The following FREM1 variants were observed in gnomAD, a reference collection of about 807,000 sequenced individuals.
FREM1 encodes the protein FRAS1 related extracellular matrix 1.
A neutral mutation model predicts 210.1 loss-of-function variants in FREM1; 220 were observed. The observed-to-expected ratio is 1.05, with a 90% confidence interval of 0.94 to 1.17. The LOEUF (loss-of-function observed/expected upper bound fraction) is 1.17. Among genes scored for constraint, FREM1 ranks in the 50% most tolerant of loss-of-function variants. The pLI, the probability that FREM1 is intolerant of heterozygous loss-of-function variation, is 0.00. For missense variants in FREM1, 3,454 were observed against 2,675.5 expected (o/e 1.29, Z -6.42); for synonymous variants, 1,189 against 980.2 (o/e 1.21, Z -3.98).
chr9:14,762,031 T>C (rs910191067), intron 27 of FREM1, among the ~76,000 whole-genome samples: 2 of 152,218 alleles, frequency 1.3e-5, no homozygotes, highest in Non-Finnish European at 2.9e-5. Flanking sequence ...CAATACTATT[T>C]GCACTTTAGA....
intron 27 of FREM1, among the ~76,000 whole-genome samples, chr9:14,766,679 C>T (rs888918062): frequency 2.0e-5 from 3 of 152,176 alleles, no homozygotes; most frequent in Non-Finnish European, 4.4e-5. Context: ...GGGTCCTTCC[C>T]GTGCTCTAAA....
chr9:14,909,006 G>A (rs1396681415), intron 1 of FREM1, among the ~76,000 whole-genome samples: 2 of 152,076 alleles, frequency 1.3e-5, no homozygotes, highest in East Asian at 1.9e-4. Flanking sequence ...CAGGAACAGC[G>A]GGTGTCAGTT....
chr9:14,785,538 G>A (rs1413833067), intron 23 of FREM1, among the ~76,000 whole-genome samples: 1 of 152,096 alleles, frequency 6.6e-6, no homozygotes, highest in African/African-American at 2.4e-5. Context: ...AACAACTCAA[G>A]TGCCTCTCAA....
rs1827722633 is a variant in FREM1, at chr9:14,851,379, T to C, written c.1057A>G (p.Arg353Gly). ...GYVTHLLDHT[R>G]PISSFTWKDL... ...TTCCAGGTGAATGAGGAGATTGGTC[T>C]GGTGTGATCCAACAGGTGAGTCACA... Residue 353 changes from arginine to glycine, a missense_variant, in exon 6 of 37, where the codon AGA (arginine) becomes GGA (glycine). Physicochemically the swap from Arg to Gly is moderately radical, Grantham distance 125. Transcript: ENST00000380880. 2 of 1,613,956 alleles carry C rather than the reference T, an allele frequency of 1.2e-6. No individual in the cohort carries two copies. The highest frequency in any genetic ancestry group is 1.7e-6 in the Non-Finnish European group (2 of 1,179,848).
intron 9 of FREM1, among the ~76,000 whole-genome samples, chr9:14,842,041 C>A (rs1318901633): frequency 6.6e-6 from 1 of 152,122 alleles, no homozygotes; most frequent in Non-Finnish European, 1.5e-5. Context: ...TATCACCTTG[C>A]TCGGCTGACT....
intron 1 of FREM1, among the ~76,000 whole-genome samples, chr9:14,897,897 G>A (rs1422080453): frequency 6.6e-6 from 1 of 152,150 alleles, no homozygotes; most frequent in African/African-American, 2.4e-5. Flanking sequence ...CCTAGCCAAG[G>A]AGTCTAATAA....
At chr9:14,816,292 T>G (rs1269547497) in intron 15 of FREM1, among the ~76,000 whole-genome samples, 1 of 152,190 alleles carries the variant, frequency 6.6e-6, no homozygotes, top group African/African-American at 2.4e-5. Flanking sequence ...ATTACAACTT[T>G]GGTTTCTATT....
At chr9:14,799,489 T>C (rs928800384) in intron 20 of FREM1, among the ~76,000 whole-genome samples, 1 of 152,150 alleles carries the variant, frequency 6.6e-6, no homozygotes, top group Non-Finnish European at 1.5e-5. Flanking sequence ...TACTAATTTT[T>C]ATGTAGGAAA....
intron 4 of FREM1, 43 bp from the exon 5 acceptor site, chr9:14,857,792 A>G (rs761484536): frequency 8.3e-6 from 12 of 1,443,896 alleles, no homozygotes; most frequent in Non-Finnish European, 1.1e-5. Flanking sequence ...CTTAAACATA[A>G]CAATTGTAAA....
intron 23 of FREM1, among the ~76,000 whole-genome samples, chr9:14,787,502 C>T (rs2132934074): frequency 6.6e-6 from 1 of 152,172 alleles, no homozygotes; most frequent in African/African-American, 2.4e-5. Context: ...TTTCTATTGC[C>T]CAGCCTCTCT....
rs1285429586 is a variant in FREM1 at position 14,861,249 on chromosome 9, A to G, written c.330-1765T>C. Among the ~76,000 whole-genome samples, 130 of 91,930 alleles carry G rather than the reference A, an allele frequency of 1.4e-3. 2 individuals are homozygous for G. Among genetic ancestry groups the G allele is most frequent in the African/African-American group, 9.0e-3 (127 of 14,086 alleles). 60.3% of individuals were successfully genotyped at this position (91,930 alleles called of 152,430 possible). A position where few individuals can be genotyped will look rare whatever the true frequency, so the allele number is the denominator to read the frequency against. ...TATATACACATATATACACACATAT[A>G]TACATATATACACATATACACATAT... On this transcript the variant is annotated intron_variant, in intron 3 of 36. Transcript: ENST00000380880.
In FREM1 at chr9:14,784,460, G is replaced by T; in HGVS notation, c.4352C>A (p.Pro1451His). Residue 1451 changes from proline (P) to histidine (H), a missense_variant, in exon 24 of 37, where the codon CCC becomes CAC. Coordinates refer to ENST00000380880, the MANE Select transcript of FREM1 (RefSeq NM_001379081.2). ...ATCCATTTGGCTGAAGTTTGTAATGGGAACTCCAGGATAGTGAACATATTC... is the reference window on the plus strand; with the variant it reads ...ATCCATTTGGCTGAAGTTTGTAATGTGAACTCCAGGATAGTGAACATATTC... The part of the protein sequence containing the change: ...QIEYVHYPGV[P>H]ITNFSQMDVV... The T allele has an allele frequency of 6.2e-7, 1 of 1,613,896 alleles. No individual in the cohort carries two copies. The highest frequency in any genetic ancestry group is 8.5e-7 in the Non-Finnish European group (1 of 1,179,846).
chr9:14,757,126 G>A (rs1337914611), intron 28 of FREM1, among the ~76,000 whole-genome samples: 1 of 152,150 alleles, frequency 6.6e-6, no homozygotes, highest in Non-Finnish European at 1.5e-5. Flanking sequence ...CAACAAAAAT[G>A]CCCTAGTCTA....
rs755702040 is a variant in FREM1, at chr9:14,857,645, G to A, written c.736C>T (p.Arg246Cys). The A allele has an allele frequency of 2.0e-5, 32 of 1,613,502 alleles. No individual in the cohort carries two copies. Among genetic ancestry groups the A allele is most frequent in the South Asian group, 1.5e-4 (14 of 91,038 alleles). The change falls in exon 5 of 37, where the codon CGT becomes TGT. Residue 246 changes from arginine (R) to cysteine (C), a missense_variant. Transcript: ENST00000380880. Reference sequence around the variant, plus strand: ...GAAGGGGGATCCAGATGCTGATAACGAAGGCCCATCAGCAGGAACTCCTCA... The same window carrying A: ...GAAGGGGGATCCAGATGCTGATAACAAAGGCCCATCAGCAGGAACTCCTCA... ...SCEEFLLMGL[R>C]YQHLDPPSPN... is the part of the protein sequence containing the mutation.
At position 14,775,862 on chromosome 9, in the gene FREM1, G is replaced by T; in HGVS notation, c.4784C>A (p.Ala1595Asp). The change falls in exon 25 of 37, where the codon GCC becomes GAC. Residue 1595 changes from alanine to aspartate, a missense_variant. Coordinates refer to ENST00000380880, the MANE Select transcript of FREM1 (RefSeq NM_001379081.2). ...AAAGCCTTGGTTTGTCCCATCTGTG[G>T]CCATGAAAGTAAAGCAGTCAGTCTG... ...DSQTDCFTFM[A>D]TDGTNQGFIV... 6.2e-7 allele frequency: 1 copy of T among 1,613,860 alleles called. No individual in the cohort carries two copies. Among genetic ancestry groups the T allele is most frequent in the Non-Finnish European group, 8.5e-7 (1 of 1,179,800 alleles).
intron 36 of FREM1, among the ~76,000 whole-genome samples, chr9:14,738,199 A>C (rs1840747416): frequency 6.6e-6 from 1 of 152,174 alleles, no homozygotes; most frequent in South Asian, 2.1e-4. Context: ...ATTACACTTT[A>C]ATGTTGTAAA....
At chr9:14,766,229 T>C (rs577101751) in intron 27 of FREM1, among the ~76,000 whole-genome samples, 1 of 152,324 alleles carries the variant, frequency 6.6e-6, no homozygotes, top group South Asian at 2.1e-4. Flanking sequence ...GCACAGTGCC[T>C]GAAATGTAGG....
At chr9:14,905,021 C>A (rs1564210208) in intron 1 of FREM1, among the ~76,000 whole-genome samples, 1 of 152,076 alleles carries the variant, frequency 6.6e-6, no homozygotes, top group Non-Finnish European at 1.5e-5. Flanking sequence ...TTTATCTGCT[C>A]ACATGGAATC....
At chr9:14,868,712 C>A in intron 2 of FREM1, 32 bp downstream of exon 2, 1 of 1,380,376 alleles carries the variant, frequency 7.2e-7, no homozygotes, top group Middle Eastern at 1.8e-4. Flanking sequence ...TTCATACACA[C>A]GACTGAACAG....
Sources: allele counts gnomAD v4.1 joint callset (sites outside exome capture counted in the v4.1 genomes callset), GRCh38; gene constraint gnomAD v4.1.1; transcripts MANE v1.5; gene names NCBI Gene and HGNC (gene_info 2026-07-23, HGNC 2026-07-21).